LRRC37A: variants seen among roughly 807,000 people sequenced by gnomAD.
The protein encoded by LRRC37A is leucine rich repeat containing 37A.
A neutral mutation model predicts 35.4 loss-of-function variants in LRRC37A; 3 were observed. The ratio of observed to expected loss-of-function variants is 0.08; its 90% CI spans 0.04 to 0.22. The LOEUF is 0.22. LRRC37A is among the 10% of genes least tolerant of loss of function. The pLI, the probability that LRRC37A is intolerant of heterozygous loss-of-function variation, is 1.00. For synonymous variants in LRRC37A, 23 were observed against 215.0 expected (o/e 0.11, Z 7.81); for missense variants, 67 against 565.3 (o/e 0.12, Z 8.94).
At chr17:46,268,513 A>G in the LRRC37A span, 2 of 1,415,350 alleles carry the variant, frequency 1.4e-6, no homozygotes, top group Non-Finnish European at 1.9e-6. Context: ...GGCAGCAGGT[A>G]TATTGTGATG....
At chr17:46,253,341 C>T in the LRRC37A span, among the ~76,000 whole-genome samples, 16 of 151,600 alleles carry the variant, frequency 1.1e-4, no homozygotes, top group African/African-American at 3.6e-4. Context: ...ACTTCCCAGA[C>T]GGGGTGGCGG....
At chr17:46,290,781 G>A (rs1208010901), upstream of LRRC37A, among the ~76,000 whole-genome samples, 9 of 152,190 alleles carry the variant, frequency 5.9e-5, no homozygotes, top group Non-Finnish European at 1.2e-4. Flanking sequence ...CTAAAGCAGA[G>A]ACTTCATATA....
the LRRC37A span, among the ~76,000 whole-genome samples, chr17:46,251,714 G>T: frequency 1.3e-5 from 2 of 150,892 alleles, no homozygotes; most frequent in East Asian, 3.9e-4. Flanking sequence ...AATACTTAGG[G>T]CCATATCCAT....
the LRRC37A span, among the ~76,000 whole-genome samples, chr17:46,264,865 C>A: frequency 6.6e-6 from 1 of 152,216 alleles, no homozygotes; most frequent in Non-Finnish European, 1.5e-5. Flanking sequence ...TTTGGGAACA[C>A]CCCCAGCAGG....
intron 10 of LRRC37A, 39 bp downstream of exon 10, chr17:46,332,695 CCTGT>C (rs1347427855): frequency 2.4e-6 from 2 of 817,820 alleles, no homozygotes; most frequent in Non-Finnish European, 3.8e-6. Context: ...AGAATGCAGT[CCTGT>C]CTTTGTGTGG....
At chr17:46,254,480 G>C in the LRRC37A span, among the ~76,000 whole-genome samples, 4 of 151,882 alleles carry the variant, frequency 2.6e-5, no homozygotes, top group Admixed American at 2.6e-4. Context: ...CCAGGCTCAA[G>C]AGATCCTCCT....
At chr17:46,261,818 T>G in the LRRC37A span, among the ~76,000 whole-genome samples, 1 of 152,284 alleles carries the variant, frequency 6.6e-6, no homozygotes, top group African/African-American at 2.4e-5. Context: ...CGGGTTATAC[T>G]TATGCAGGTA....
At chr17:46,253,353 C>T in the LRRC37A span, among the ~76,000 whole-genome samples, 4 of 152,142 alleles carry the variant, frequency 2.6e-5, no homozygotes, top group African/African-American at 7.2e-5. Context: ...GGGTGGCGGC[C>T]GGGCAGAGGC....
the LRRC37A span, among the ~76,000 whole-genome samples, chr17:46,261,836 CATT>C: frequency 6.6e-6 from 1 of 151,970 alleles, no homozygotes; most frequent in Non-Finnish European, 1.5e-5. Flanking sequence ...GTATTCATTA[CATT>C]ATTCTCCATA....
the LRRC37A span, chr17:46,268,401 A>G: frequency 1.1e-6 from 1 of 908,224 alleles, no homozygotes; most frequent in Non-Finnish European, 1.5e-6. Context: ...CTTGTGCAGC[A>G]AGATAGTAGA....
chr17:46,276,795 T>C, the LRRC37A span, among the ~76,000 whole-genome samples: 7 of 118,370 alleles, frequency 5.9e-5, no homozygotes, highest in Middle Eastern at 4.9e-3. Flanking sequence ...TTTTTCTTTT[T>C]TTTTTTTTTT....
chr17:46,278,732 A>C, the LRRC37A span, among the ~76,000 whole-genome samples: 18,708 of 149,998 alleles, frequency 0.12, 2 homozygotes, highest in Middle Eastern at 0.19. Flanking sequence ...TATAATTTAA[A>C]AATTATATCA....
chr17:46,282,506 C>T, the LRRC37A span, among the ~76,000 whole-genome samples: 1 of 151,874 alleles, frequency 6.6e-6, no homozygotes, highest in Non-Finnish European at 1.5e-5. Flanking sequence ...CCTCAAACTC[C>T]TGTACTCAAG....
chr17:46,272,889 CT>C, the LRRC37A span, among the ~76,000 whole-genome samples: 1 of 152,182 alleles, frequency 6.6e-6, no homozygotes, highest in Non-Finnish European at 1.5e-5. Context: ...AAAATTTACC[CT>C]TTTTAATTTG....
the LRRC37A span, among the ~76,000 whole-genome samples, chr17:46,282,975 C>T: frequency 2.0e-5 from 3 of 151,872 alleles, no homozygotes; most frequent in Admixed American, 6.6e-5. Context: ...CAAAATTAGT[C>T]GGGTGTGATG....
the LRRC37A span, chr17:46,268,826 C>T: frequency 3.0e-6 from 2 of 657,914 alleles, no homozygotes; most frequent in Non-Finnish European, 4.4e-6. Context: ...ATAGTTACAA[C>T]TGTAATCTCG....
chr17:46,269,518 G>A, the LRRC37A span, among the ~76,000 whole-genome samples: 7 of 152,304 alleles, frequency 4.6e-5, no homozygotes, highest in East Asian at 3.9e-4. Flanking sequence ...GCAAAACTCC[G>A]TCTCAAAAAC....
the LRRC37A span, among the ~76,000 whole-genome samples, chr17:46,250,430 C>G: frequency 1.3e-5 from 2 of 152,220 alleles, no homozygotes; most frequent in Admixed American, 1.3e-4. Flanking sequence ...ACATTTGAGT[C>G]AGCGGGCTGA....
the LRRC37A span, among the ~76,000 whole-genome samples, chr17:46,273,166 A>C: frequency 6.6e-6 from 1 of 152,258 alleles, no homozygotes; most frequent in South Asian, 2.1e-4. Flanking sequence ...AATAGTGCAG[A>C]AATACTGTGA....
Sources: allele counts gnomAD v4.1 joint callset (sites outside exome capture counted in the v4.1 genomes callset), GRCh38; gene constraint gnomAD v4.1.1; transcripts MANE v1.5; gene names NCBI Gene and HGNC (gene_info 2026-07-23, HGNC 2026-07-21).